Variants in NPHP4 observed in about 807,000 individuals in gnomAD.
NPHP4 encodes the protein nephrocystin-4.
A neutral mutation model predicts 155.8 loss-of-function variants in NPHP4; 151 were observed. That is an observed-to-expected ratio of 0.97 (90% CI 0.85 to 1.11). NPHP4 has a LOEUF of 1.11. NPHP4 is among the 50% of genes least tolerant of loss of function. The probability of loss-of-function intolerance (pLI) is 0.00; values close to 1 mark genes in which losing one functional copy is unlikely to be tolerated. For synonymous variants in NPHP4, 845 were observed against 816.8 expected (o/e 1.03, Z -0.59); for missense variants, 1,956 against 1,925.7 (o/e 1.02, Z -0.29).
chr1:5,874,662 G>C lies in NPHP4; in HGVS notation c.3045-5C>G, dbSNP rs2297790. 6.2e-7 allele frequency: 1 copy of C among 1,610,614 alleles called. No individual in the cohort carries two copies. The highest frequency in any genetic ancestry group is 1.3e-5 in the African/African-American group (1 of 74,836). On this transcript the variant is annotated splice_region_variant and splice_polypyrimidine_tract_variant and intron_variant, in intron 21 of 29. Coordinates refer to ENST00000378156, the MANE Select transcript of NPHP4 (RefSeq NM_015102.5). Reference sequence around the variant, plus strand: ...TCCTGACTGTCCACGATGACGCTGGGGGAGGCAGTGTCCAGGCGTCAGGGC... The same window carrying C: ...TCCTGACTGTCCACGATGACGCTGGCGGAGGCAGTGTCCAGGCGTCAGGGC...
intron 16 of NPHP4, among the ~76,000 whole-genome samples, chr1:5,901,286 G>C (rs907503099): frequency 6.6e-6 from 1 of 152,218 alleles, no homozygotes; most frequent in South Asian, 2.1e-4. Flanking sequence ...TATCTTTTAA[G>C]TGAGGCTTAT....
intron 10 of NPHP4, among the ~76,000 whole-genome samples, chr1:5,930,519 T>C (rs1646221577): frequency 6.6e-6 from 1 of 152,222 alleles, no homozygotes; most frequent in Non-Finnish European, 1.5e-5. Context: ...TATTTTCCCT[T>C]GAGATTTACT....
chr1:5,868,946 ACACACACACAATG>A (rs1641635268), intron 23 of NPHP4, among the ~76,000 whole-genome samples: 1 of 145,076 alleles, frequency 6.9e-6, no homozygotes, highest in Admixed American at 6.9e-5. Flanking sequence ...ACCCACATGC[ACACACACACAATG>A]CACACACACA....
At position 5,952,766 on chromosome 1, in the gene NPHP4, C is replaced by G; in HGVS notation, c.744G>C (p.Leu248=). Residue 248 remains leucine (L), a synonymous_variant, in exon 7 of 30, where the codon CTG becomes CTC. Transcript: ENST00000378156. ...CCTCAAACTTCTCCAGGGAGGGGTA[C>G]AGGGTGAAGAATAAGTCATCCAAGT... is the stretch of plus-strand genomic sequence containing the variant. ...TGHLDDLFFT[L]YPSLEKFEEE... 1.3e-6 allele frequency: 2 copies of G among 1,581,566 alleles called. No homozygotes were observed. Among genetic ancestry groups the G allele is most frequent in the Admixed American group, 1.8e-5 (1 of 55,294 alleles).
chr1:5,937,634 C>A (rs1410571140), intron 9 of NPHP4, among the ~76,000 whole-genome samples: 1 of 152,082 alleles, frequency 6.6e-6, no homozygotes, highest in African/African-American at 2.4e-5. Context: ...GGGTGGGGTC[C>A]CCGCCAAGCA....
chr1:5,867,608 C>G lies in NPHP4; in HGVS notation c.3472+132G>C, dbSNP rs573882118. Reference sequence around the variant, plus strand: ...AACCATAAAGGCAGGAGAGAGAATTCCCCAGGCCCCACGTGCTGCTCTGAC... The same window carrying G: ...AACCATAAAGGCAGGAGAGAGAATTGCCCAGGCCCCACGTGCTGCTCTGAC... On this transcript the variant is annotated intron_variant, in intron 24 of 29. Coordinates refer to ENST00000378156, the MANE Select transcript of NPHP4 (RefSeq NM_015102.5). This position sits in a 1 kb window ranked among gnomAD's most constrained non-coding sequence, Gnocchi z 4.1. 9.2e-4 allele frequency: 832 copies of G among 901,736 alleles called. 5 individuals carry two copies. The African/African-American group carries it at 0.011, about 12-fold the overall frequency. The allele number at this position is 901,736 out of a possible 1,614,324, so 55.9% of individuals were successfully genotyped here.
intron 9 of NPHP4, among the ~76,000 whole-genome samples, chr1:5,936,442 C>A (rs1176845073): frequency 2.0e-5 from 3 of 152,174 alleles, no homozygotes; most frequent in African/African-American, 7.2e-5. Flanking sequence ...GCCAGTGGAT[C>A]CTAGTGCTTG....
chr1:5,920,412 T>C (rs1470695913), intron 11 of NPHP4, among the ~76,000 whole-genome samples: 5 of 152,186 alleles, frequency 3.3e-5, no homozygotes, highest in African/African-American at 1.2e-4. Flanking sequence ...AGGAGCTCCG[T>C]AGAGATGTGC....
chr1:5,978,508 C>T (rs1169112105), intron 2 of NPHP4, 95 bp from the exon 3 acceptor site: 3 of 1,190,798 alleles, frequency 2.5e-6, no homozygotes, highest in South Asian at 2.7e-5. Context: ...GGCCACCTCG[C>T]TCAGATATCA....
rs1395025588 is a variant in NPHP4 at position 5,944,258 on chromosome 1, A to G, written c.1119+2846T>C. 6.6e-6 allele frequency among the ~76,000 whole-genome samples: 1 copy of G among 152,178 alleles called. No individual in the cohort carries two copies. On this transcript the variant is annotated intron_variant, in intron 9 of 29. Transcript: ENST00000378156. The surrounding 1 kb of genome is among the most constrained non-coding windows in gnomAD (Gnocchi z 4.3). ...CCACCACGCAGGGTCCTCACCAAAG[A>G]CAAGGAGGAGGACGCTGCAGCCGGA...
chr1:5,912,355 G>A (rs920326686), intron 11 of NPHP4, among the ~76,000 whole-genome samples: 6 of 152,086 alleles, frequency 3.9e-5, no homozygotes, highest in Admixed American at 6.5e-5. Context: ...TGGCTAACAC[G>A]GTGAAACCCC....
intron 6 of NPHP4, among the ~76,000 whole-genome samples, chr1:5,957,389 G>A (rs748543564): frequency 2.6e-5 from 4 of 152,192 alleles, no homozygotes; most frequent in Admixed American, 6.5e-5. Context: ...ACAGCCCACA[G>A]CCTCTTGGGG....
chr1:5,922,242 G>A (rs563138565), intron 11 of NPHP4, among the ~76,000 whole-genome samples: 6 of 152,196 alleles, frequency 3.9e-5, no homozygotes, highest in Admixed American at 6.5e-5. Context: ...GCACAGCCCC[G>A]CTGAGCCCTC....
At chr1:5,959,597 T>A (rs1649924804) in intron 6 of NPHP4, among the ~76,000 whole-genome samples, 2 of 152,180 alleles carry the variant, frequency 1.3e-5, no homozygotes, top group Non-Finnish European at 2.9e-5. Context: ...CACAAAGTGA[T>A]GACTACCCCT....
rs757143359 is a variant in NPHP4 at position 5,877,242 on chromosome 1, T to C, written c.2668A>G (p.Met890Val). 3.1e-6 allele frequency: 5 copies of C among 1,608,814 alleles called. No individual in the cohort carries two copies. The highest frequency in any genetic ancestry group is 4.2e-6 in the Non-Finnish European group (5 of 1,176,592). ...LADVDSELAAMLLTHARQGKG... is the reference protein window; with the variant it reads ...LADVDSELAAVLLTHARQGKG... ...CCCTGCCGGGCATGGGTCAGTAGCA[T>C]GGCAGCCAGCTCACTGTCCACGTCC... Residue 890 changes from methionine (M) to valine (V), a missense_variant, in exon 20 of 30, where the codon ATG (methionine) becomes GTG (valine). Met to Val is a conservative substitution (Grantham distance 21). Transcript: ENST00000378156.
At chr1:5,961,309 A>G (rs1171051396) in intron 6 of NPHP4, among the ~76,000 whole-genome samples, 1 of 152,196 alleles carries the variant, frequency 6.6e-6, no homozygotes. Context: ...AAGAGGAAAG[A>G]GCTCAGGGAT....
Position 5,907,106 on chromosome 1 carries a change from G to A in NPHP4, c.1611+9C>T, listed in dbSNP as rs114900019. 3.0e-3 allele frequency: 4,445 copies of A among 1,472,948 alleles called. 107 individuals carry two copies. The African/African-American group carries it at 0.054, about 18-fold the overall frequency. The allele number at this position is 1,472,948 out of a possible 1,614,324, so 91.2% of individuals were successfully genotyped here. A position where few individuals can be genotyped will look rare whatever the true frequency, so the allele number is the denominator to read the frequency against. ...GTGGAAGGCAAGGCGGCAGGTGGGCGGCACTTACTGCCTGGGCCGGGGAGG... is the reference window on the plus strand; with the variant it reads ...GTGGAAGGCAAGGCGGCAGGTGGGCAGCACTTACTGCCTGGGCCGGGGAGG... On this transcript the variant is annotated intron_variant, in intron 13 of 29. Transcript: ENST00000378156.
At chr1:5,919,718 GTGTT>G (rs1181950494) in intron 11 of NPHP4, among the ~76,000 whole-genome samples, 2 of 152,108 alleles carry the variant, frequency 1.3e-5, no homozygotes, top group African/African-American at 2.4e-5. Context: ...AGGGCCAGCT[GTGTT>G]TGTTTGTTTG....
chr1:5,896,245 G>A (rs1348127977), intron 16 of NPHP4, among the ~76,000 whole-genome samples: 5 of 152,128 alleles, frequency 3.3e-5, no homozygotes, highest in East Asian at 1.9e-4. Context: ...ACTGGGCTAC[G>A]GTGTTCAACT....
Sources: allele counts gnomAD v4.1 joint callset (sites outside exome capture counted in the v4.1 genomes callset), GRCh38; gene constraint gnomAD v4.1.1; non-coding constraint Gnocchi (gnomAD v3.1); transcripts MANE v1.5; gene names NCBI Gene and HGNC (gene_info 2026-07-23, HGNC 2026-07-21).